Variants in IGSF22 observed in about 807,000 individuals in gnomAD.
The protein encoded by IGSF22 is immunoglobulin superfamily member 22, also known as immunoglobulin superfamily, member 22.
A neutral mutation model predicts 127.0 loss-of-function variants in IGSF22; 119 were observed. The ratio of observed to expected loss-of-function variants is 0.94; its 90% CI spans 0.81 to 1.09. IGSF22 has a LOEUF of 1.09. IGSF22 is among the 50% of genes least tolerant of loss of function. The pLI is 0.00. For synonymous variants in IGSF22, 568 were observed against 664.7 expected, an observed-to-expected ratio of 0.85 and a Z score of 2.24; for missense variants, 1,518 against 1,716.6, an observed-to-expected ratio of 0.88 and a Z score of 2.04.
Position 18,704,533 on chromosome 11 carries a change from CTT to C in IGSF22, c.3914_3915del (p.Lys1305ArgfsTer2), listed in dbSNP as rs1395398875. 2 of 1,548,374 alleles carry C rather than the reference CTT, an allele frequency of 1.3e-6. No individual in the cohort carries two copies. The highest frequency in any genetic ancestry group is 1.7e-6 in the Non-Finnish European group (2 of 1,144,798). Reference sequence around the variant, plus strand: ...ATGGATGCTACAACTGACTTATCATCTTTGTCTGAAAGAGCAAAGGAAGTATT... The same window carrying C: ...ATGGATGCTACAACTGACTTATCATCTGTCTGAAAGAGCAAAGGAAGTATT... ...RSSCTLTVYDKDDKSVVASIT... is the reference protein window; with the variant it reads ...RSSCTLTVYDXDDKSVVASIT... On this transcript the variant is annotated frameshift_variant, in exon 23 of 23. Coordinates refer to ENST00000513874, the MANE Select transcript of IGSF22 (RefSeq NM_173588.4). LOFTEE classifies it high-confidence loss of function.
intron 8 of IGSF22, 99 bp from the exon 9 acceptor site, chr11:18,718,192 G>T: frequency 9.2e-7 from 1 of 1,091,712 alleles, no homozygotes; most frequent in Non-Finnish European, 1.3e-6. Context: ...GAGGGTGCAT[G>T]TCCAACCCTC....
Position 18,708,246 on chromosome 11 carries a change from A to G in IGSF22, c.3048T>C (p.Val1016=). Reference sequence around the variant, plus strand: ...GGATGCAGAGGGCTGTCCCAGCGCGAACCACCATGTGACTCTTCAGCCGGG... The same window carrying G: ...GGATGCAGAGGGCTGTCCCAGCGCGGACCACCATGTGACTCTTCAGCCGGG... ...LSARLKSHMV[V]RAGTALCIHA... Residue 1016 remains valine, a synonymous_variant, in exon 19 of 23, where the codon GTT becomes GTC. Transcript: ENST00000513874. 1 of 1,549,194 alleles carries G rather than the reference A, an allele frequency of 6.5e-7. No individual in the cohort carries two copies. The highest frequency in any genetic ancestry group is 1.2e-5 in the South Asian group (1 of 83,460).
chr11:18,707,756 GAGA>G (rs1279485764), intron 20 of IGSF22, 45 bp downstream of exon 20: 8 of 1,483,778 alleles, frequency 5.4e-6, no homozygotes, highest in Non-Finnish European at 7.3e-6. Flanking sequence ...CTGTGCTTTG[GAGA>G]GTGTACAGGG....
chr11:18,723,999 G>GTAGATCTC, intron 2 of IGSF22, 129 bp downstream of exon 2: 1 of 643,022 alleles, frequency 1.6e-6, no homozygotes, highest in Non-Finnish European at 2.8e-6. Flanking sequence ...CACGTTGGGT[G>GTAGATCTC]GGGGTTGCTG....
chr11:18,708,330 C>G, intron 18 of IGSF22, 35 bp from the exon 19 acceptor site: 1 of 1,485,082 alleles, frequency 6.7e-7, no homozygotes, highest in East Asian at 2.5e-5. Context: ...AGGCATGGAT[C>G]TGTCTTTCAA....
chr11:18,715,352 G>C (rs1197522392), intron 11 of IGSF22, 80 bp downstream of exon 11: 7 of 1,434,516 alleles, frequency 4.9e-6, no homozygotes, highest in Non-Finnish European at 6.7e-6. Context: ...GTTAGTGGGA[G>C]GGGGGCAATT....
chr11:18,717,116 C>G, intron 9 of IGSF22, 116 bp from the exon 10 acceptor site: 1 of 1,180,318 alleles, frequency 8.5e-7, no homozygotes, highest in Non-Finnish European at 1.2e-6. Flanking sequence ...GGGGAAAGCA[C>G]CCTGCCTTTG....
At position 18,712,163 on chromosome 11, in the gene IGSF22, G is replaced by T; in HGVS notation, c.2317C>A (p.Gln773Lys). Residue 773 changes from glutamine (Q) to lysine (K), a missense_variant, in exon 15 of 23, where the codon CAG (glutamine) becomes AAG (lysine). By Grantham distance (53) the Gln-to-Lys change is moderately conservative. Around this residue, in one of 3 missense-constraint regions of IGSF22, gnomAD observed 1,456 missense variants for 1,644.9 expected, o/e 0.89. Coordinates refer to ENST00000513874, the MANE Select transcript of IGSF22 (RefSeq NM_173588.4). Reference sequence around the variant, plus strand: ...GAATTGACTGCCAGGATACGGAACTGGTAGGCTTTTCCCTCTTCCACCTTG... The same window carrying T: ...GAATTGACTGCCAGGATACGGAACTTGTAGGCTTTTCCCTCTTCCACCTTG... Reference protein sequence around the residue: ...TNKVEEGKAYQFRILAVNSEG... With the variant: ...TNKVEEGKAYKFRILAVNSEG... 2.6e-6 allele frequency: 4 copies of T among 1,551,744 alleles called. No individual in the cohort carries two copies. The highest frequency in any genetic ancestry group is 3.5e-6 in the Non-Finnish European group (4 of 1,147,004).
chr11:18,709,345 A>T lies in IGSF22; in HGVS notation c.2998+42T>A. 6.3e-7 allele frequency: 1 copy of T among 1,581,358 alleles called. No individual in the cohort carries two copies. ...GCCCCAGAGGAGAAGGTTTGGAGGT[A>T]CAATGTTGGGCATGAATCCCCAGCC... On this transcript the variant is annotated intron_variant, in intron 18 of 22. Transcript: ENST00000513874. This position sits in a 1 kb window ranked among gnomAD's most constrained non-coding sequence, Gnocchi z 4.8.
chr11:18,705,796 C>T (rs753590937), intron 22 of IGSF22, 21 bp downstream of exon 22: 9 of 1,521,946 alleles, frequency 5.9e-6, no homozygotes, highest in South Asian at 4.9e-5. Flanking sequence ...TCCTCGAGGC[C>T]GGACCCCGCG....
In IGSF22 at chr11:18,712,221, C is replaced by T; in HGVS notation, c.2259G>A (p.Glu753=). 1 of 1,551,716 alleles carries T rather than the reference C, an allele frequency of 6.4e-7. No individual in the cohort carries two copies. Among genetic ancestry groups the T allele is most frequent in the Non-Finnish European group, 8.7e-7 (1 of 1,147,002 alleles). ...AGAAGTTGGTGACTTTGCCGTCCAC[C>T]TCGCCTATCTTAATCCAGGACTTCT... The part of the protein sequence containing the change: ...VGKKSWIKIG[E]VDGKVTNFST... Residue 753 remains glutamate, a synonymous_variant, in exon 15 of 23, where the codon GAG becomes GAA. Coordinates refer to ENST00000513874, the MANE Select transcript of IGSF22 (RefSeq NM_173588.4).
chr11:18,707,269 C>A, intron 20 of IGSF22, 56 bp from the exon 21 acceptor site: 1 of 1,415,768 alleles, frequency 7.1e-7, no homozygotes, highest in South Asian at 1.5e-5. Context: ...TATTATGTCC[C>A]CACCCCAGCC....
At position 18,707,068 on chromosome 11, in the gene IGSF22, C is replaced by T. The variant is rs1848252170; in HGVS notation, c.3426G>A (p.Trp1142Ter). 2 of 1,551,594 alleles carry T rather than the reference C, an allele frequency of 1.3e-6. No individual in the cohort carries two copies. Among genetic ancestry groups the T allele is most frequent in the Admixed American group, 2.0e-5 (1 of 50,988 alleles). ...TGAAGACACGCTCGGCTGCCGTGTA[C>T]CAGGTGGCTGTGCTTGCATCCCGCT... ...IMKRDASTAT[W>*]YTAAERVFSN... The change falls in exon 21 of 23, where the codon TGG becomes TGA. Residue 1142 changes from tryptophan (W) to a stop codon, truncating the protein, a stop_gained. Coordinates refer to ENST00000513874, the MANE Select transcript of IGSF22 (RefSeq NM_173588.4). LOFTEE classifies it high-confidence loss of function.
intron 14 of IGSF22, among the ~76,000 whole-genome samples, chr11:18,712,976 C>G (rs1035515618): frequency 6.6e-6 from 1 of 152,142 alleles, no homozygotes; most frequent in Admixed American, 6.5e-5. Context: ...CTTATATCCT[C>G]ATGTTCAGAC....
Position 18,717,359 on chromosome 11 carries a change from C to T in IGSF22, c.974-359G>A, listed in dbSNP as rs556395644. Among the ~76,000 whole-genome samples the T allele has an allele frequency of 2.6e-5, 4 of 152,280 alleles. No homozygotes were observed. The East Asian group carries it at 5.8e-4, about 22-fold the overall frequency. Reference sequence around the variant, plus strand: ...AGAAGTTAAATAACTTGACCTAAATCACAAAGCTCATAAGTGGCAGAAAGC... The same window carrying T: ...AGAAGTTAAATAACTTGACCTAAATTACAAAGCTCATAAGTGGCAGAAAGC... On this transcript the variant is annotated intron_variant, in intron 9 of 22. Coordinates refer to ENST00000513874, the MANE Select transcript of IGSF22 (RefSeq NM_173588.4).
intron 14 of IGSF22, 43 bp downstream of exon 14, chr11:18,713,809 G>A (rs1848401554): frequency 6.7e-7 from 1 of 1,481,670 alleles, no homozygotes; most frequent in Non-Finnish European, 9.2e-7. Flanking sequence ...CTGGGCAGCA[G>A]GTGCCCTCAG....
chr11:18,704,494 G>A lies in IGSF22; in HGVS notation c.3955C>T (p.Gln1319Ter), dbSNP rs1309769779. ...CACATGAGGTGCTTTGATTTCTTCT[G>A]CAGACTCTCGGTGATGGATGCTACA... ...SVVASITESL[Q>*]KKSKHLM Residue 1319 changes from glutamine to a stop codon, truncating the protein, a stop_gained, in exon 23 of 23, where the codon CAG becomes TAG. Transcript: ENST00000513874. LOFTEE classifies it high-confidence loss of function. The A allele has an allele frequency of 3.9e-6, 6 of 1,550,634 alleles. No individual in the cohort carries two copies. In the East Asian group the frequency reaches 1.2e-4, roughly 32 times the overall value.
At position 18,712,306 on chromosome 11, in the gene IGSF22, G is replaced by T. The variant is rs1848372541; in HGVS notation, c.2174C>A (p.Pro725Gln). The change falls in exon 15 of 23, where the codon CCA becomes CAA. Residue 725 changes from proline (P) to glutamine (Q), a missense_variant. Transcript: ENST00000513874. ...CACAGGTCGTCCACCATTGTCCTTTGGGGCCTTCCACTTCATGTGCACACA... is the reference window on the plus strand; with the variant it reads ...CACAGGTCGTCCACCATTGTCCTTTTGGGCCTTCCACTTCATGTGCACACA... ...GSCVHMKWKA[P>Q]KDNGGRPVTQ... 1 of 1,551,692 alleles carries T rather than the reference G, an allele frequency of 6.4e-7. No individual in the cohort carries two copies. The highest frequency in any genetic ancestry group is 1.4e-5 in the African/African-American group (1 of 73,144).
At chr11:18,717,407 A>C (rs982811977) in intron 9 of IGSF22, among the ~76,000 whole-genome samples, 2 of 144,390 alleles carry the variant, frequency 1.4e-5, no homozygotes, top group East Asian at 4.2e-4. Context: ...CTAGTAGTTT[A>C]GCTCCAGAGT....
Sources: allele counts gnomAD v4.1 joint callset (sites outside exome capture counted in the v4.1 genomes callset), GRCh38; gene constraint gnomAD v4.1.1; regional missense constraint gnomAD v4.1.1; non-coding constraint Gnocchi (gnomAD v3.1); transcripts MANE v1.5; gene names NCBI Gene and HGNC (gene_info 2026-07-23, HGNC 2026-07-21).